ABRAXAS2: variants seen among roughly 807,000 people sequenced by gnomAD.
ABRAXAS2 encodes the protein abraxas 2, BRISC complex subunit.
A neutral mutation model predicts 49.0 loss-of-function variants in ABRAXAS2; 23 were observed. That is an observed-to-expected ratio of 0.47 (90% confidence interval 0.34 to 0.66). The LOEUF (loss-of-function observed/expected upper bound fraction) is 0.66. Ranked by LOEUF, ABRAXAS2 falls within the 30% of genes least tolerant of loss-of-function variation. ABRAXAS2 has a pLI of 0.01. For synonymous variants in ABRAXAS2, 168 were observed against 180.2 expected (o/e 0.93, Z 0.54); for missense variants, 443 against 511.9 (o/e 0.87, Z 1.30).
chr10:124,807,312 C>CA (rs764661303), intron 2 of ABRAXAS2, among the ~76,000 whole-genome samples: 2,685 of 33,192 alleles, frequency 0.081, 178 homozygotes, highest in African/African-American at 0.12. Flanking sequence ...GACTCTGTCT[C>CA]AAAAAAAAAA....
intron 4 of ABRAXAS2, among the ~76,000 whole-genome samples, chr10:124,825,345 C>G (rs1184238364): frequency 6.8e-6 from 1 of 147,232 alleles, no homozygotes; most frequent in Admixed American, 6.8e-5. Context: ...AAAAATTATA[C>G]CCTGAGAGAA....
chr10:124,806,156 AT>A (rs1224366262), intron 1 of ABRAXAS2, among the ~76,000 whole-genome samples: 1 of 151,806 alleles, frequency 6.6e-6, no homozygotes, highest in Non-Finnish European at 1.5e-5. Context: ...AAAAAAAAAA[AT>A]TAGCCAGGCA....
chr10:124,826,651 A>G lies in ABRAXAS2; in HGVS notation c.324A>G (p.Arg108=), dbSNP rs773298765. ...ATACGCAGCAGCAGATGTCCTACAG[A>G]GAGCAGGTTCTTCACAAGCAGCTCA... is the stretch of plus-strand genomic sequence containing the variant. The part of the protein sequence containing the change: ...RRNTQQQMSY[R]EQVLHKQLTR... Residue 108 remains arginine, a synonymous_variant, in exon 5 of 9, where the codon AGA becomes AGG. Coordinates refer to ENST00000298492, the MANE Select transcript of ABRAXAS2 (RefSeq NM_032182.4). 3.7e-6 allele frequency: 6 copies of G among 1,614,214 alleles called. No individual in the cohort carries two copies. The East Asian group carries it at 1.1e-4, about 30-fold the overall frequency.
rs367775486 is a variant in ABRAXAS2, at chr10:124,807,228, G to A, written c.163+307G>A. Among the ~76,000 whole-genome samples, 10 of 147,414 alleles carry A rather than the reference G, an allele frequency of 6.8e-5. No individual in the cohort carries two copies. The East Asian group carries it at 1.0e-3, about 15-fold the overall frequency. On this transcript the variant is annotated intron_variant, in intron 2 of 8. Transcript: ENST00000298492. Reference sequence around the variant, plus strand: ...CTCAGGAGGCTGAGGCAGGAGAATGGCATGAACCTGGGAGGCGGAGGTTGC... The same window carrying A: ...CTCAGGAGGCTGAGGCAGGAGAATGACATGAACCTGGGAGGCGGAGGTTGC...
intron 1 of ABRAXAS2, 96 bp downstream of exon 1, chr10:124,801,997 C>T (rs1025123387): frequency 1.3e-4 from 173 of 1,290,092 alleles, no homozygotes; most frequent in Admixed American, 1.9e-4. Context: ...GCGGCTCGCC[C>T]CCTGGGCACC....
chr10:124,807,793 T>C (rs1564918401), intron 2 of ABRAXAS2, among the ~76,000 whole-genome samples: 2 of 152,210 alleles, frequency 1.3e-5, no homozygotes, highest in African/African-American at 4.8e-5. Flanking sequence ...ACTTGATTGA[T>C]AGTCTCTTTA....
chr10:124,833,672 C>T (rs1436678680), intron 8 of ABRAXAS2, among the ~76,000 whole-genome samples: 2 of 152,150 alleles, frequency 1.3e-5, no homozygotes, highest in African/African-American at 2.4e-5. Context: ...TTCATCCTGA[C>T]AGTGTTATTG....
intron 4 of ABRAXAS2, among the ~76,000 whole-genome samples, chr10:124,821,812 T>G (rs1950863035): frequency 6.6e-6 from 1 of 152,132 alleles, no homozygotes; most frequent in Non-Finnish European, 1.5e-5. Context: ...CGAAAGAATT[T>G]TGAATATTCC....
At chr10:124,821,714 G>C (rs559892830) in intron 4 of ABRAXAS2, among the ~76,000 whole-genome samples, 12 of 152,328 alleles carry the variant, frequency 7.9e-5, no homozygotes, top group Non-Finnish European at 1.6e-4. Flanking sequence ...GTAATACCCA[G>C]TGTTGGCAAG....
intron 7 of ABRAXAS2, 114 bp downstream of exon 7, chr10:124,829,591 A>G: frequency 1.5e-6 from 1 of 679,044 alleles, no homozygotes; most frequent in African/African-American, 1.8e-5. Context: ...TCCGAAAGTC[A>G]GAATCTGCTT....
At chr10:124,831,842 CTTTTTTTT>C (rs71029219) in intron 8 of ABRAXAS2, among the ~76,000 whole-genome samples, 3 of 37,722 alleles carry the variant, frequency 8.0e-5, no homozygotes, top group African/African-American at 2.2e-4. Flanking sequence ...TGTGTCCTGT[CTTTTTTTT>C]TTTTTTTTTT....
At chr10:124,827,797 G>A (rs1950906284) in intron 5 of ABRAXAS2, among the ~76,000 whole-genome samples, 1 of 151,044 alleles carries the variant, frequency 6.6e-6, no homozygotes, top group Admixed American at 6.6e-5. Flanking sequence ...CATGTTGTCT[G>A]TTTGTAAACA....
Position 124,834,890 on chromosome 10 carries a change from T to G in ABRAXAS2, c.1167T>G (p.Ser389Arg), listed in dbSNP as rs762809965. The change falls in exon 9 of 9, where the codon AGT becomes AGG. Residue 389 changes from serine (S) to arginine (R), a missense_variant. This residue lies in a region of ABRAXAS2 where 230 missense variants were observed against 237.0 expected (regional missense o/e 0.97). Transcript: ENST00000298492. ...NLIDPTEPSN[S>R]EYSHSKDSRP... ...TTGACCCTACAGAGCCTTCTAATAGTGAATACTCACATTCAAAGGATTCTC... is the reference window on the plus strand; with the variant it reads ...TTGACCCTACAGAGCCTTCTAATAGGGAATACTCACATTCAAAGGATTCTC... 3 of 1,614,140 alleles carry G rather than the reference T, an allele frequency of 1.9e-6. No homozygotes were observed. In the Admixed American group the frequency reaches 5.0e-5, roughly 27 times the overall value.
chr10:124,818,499 T>G (rs1199204427), intron 3 of ABRAXAS2, among the ~76,000 whole-genome samples: 1 of 151,938 alleles, frequency 6.6e-6, no homozygotes, highest in African/African-American at 2.4e-5. Flanking sequence ...AAAAATGGAA[T>G]GGAAACCAGG....
At chr10:124,828,919 TATTTCTTTTG>T in intron 6 of ABRAXAS2, 44 bp downstream of exon 6, 1 of 1,595,734 alleles carries the variant, frequency 6.3e-7, no homozygotes, top group Non-Finnish European at 8.6e-7. Flanking sequence ...TTGTCAGCAA[TATTTCTTTTG>T]TTAATAACAT....
chr10:124,807,836 G>C (rs921135518), intron 2 of ABRAXAS2, among the ~76,000 whole-genome samples: 2 of 152,030 alleles, frequency 1.3e-5, no homozygotes, highest in Non-Finnish European at 2.9e-5. Context: ...TGCAAATCAG[G>C]CTCTCCCCAT....
At chr10:124,815,698 A>C (rs1950819954) in intron 2 of ABRAXAS2, among the ~76,000 whole-genome samples, 1 of 152,096 alleles carries the variant, frequency 6.6e-6, no homozygotes, top group Non-Finnish European at 1.5e-5. Flanking sequence ...AATCACAGCA[A>C]CTTTTCAGAA....
intron 3 of ABRAXAS2, 141 bp downstream of exon 3, chr10:124,816,753 G>A (rs149492625): frequency 2.7e-5 from 17 of 632,208 alleles, no homozygotes; most frequent in East Asian, 2.6e-4. Context: ...CTTTGTACAC[G>A]GCACTGTGTT....
chr10:124,807,404 G>A (rs995466777), intron 2 of ABRAXAS2, among the ~76,000 whole-genome samples: 1 of 151,098 alleles, frequency 6.6e-6, no homozygotes, highest in African/African-American at 2.4e-5. Context: ...TGTAATCCCA[G>A]CACTTTGGGA....
Sources: gnomAD v4.1 joint callset for allele counts (sites outside exome capture counted in the v4.1 genomes callset) on GRCh38, gnomAD v4.1.1 for gene constraint, gnomAD v4.1.1 regional missense constraint, MANE v1.5 for transcripts, NCBI Gene and HGNC (gene_info 2026-07-23, HGNC 2026-07-21) for gene names.